The following CNTNAP3 variants were observed in gnomAD, a reference collection of about 807,000 sequenced individuals.
CNTNAP3 encodes contactin associated protein family member 3.
A neutral mutation model predicts 92.1 loss-of-function variants in CNTNAP3; 36 were observed. The ratio of observed to expected loss-of-function variants is 0.39; its 90% confidence interval spans 0.30 to 0.52. The LOEUF (loss-of-function observed/expected upper bound fraction) is 0.52. Ranked by LOEUF, CNTNAP3 falls within the 20% of genes least tolerant of loss-of-function variation. The pLI, the probability that CNTNAP3 is intolerant of heterozygous loss-of-function variation, is 0.76. For synonymous variants in CNTNAP3, 232 were observed against 422.3 expected, an observed-to-expected ratio of 0.55 and a Z score of 5.53; for missense variants, 534 against 1,069.6, an observed-to-expected ratio of 0.50 and a Z score of 6.98.
chr9:39,096,998 C>T (rs113410297), intron 18 of CNTNAP3, among the ~76,000 whole-genome samples: 3 of 90,114 alleles, frequency 3.3e-5, no homozygotes, highest in African/African-American at 3.9e-5. Flanking sequence ...TTTTCAATTA[C>T]GTATATATTG....
intron 15 of CNTNAP3, among the ~76,000 whole-genome samples, chr9:39,105,384 G>A (rs552723071): frequency 1.1e-3 from 172 of 152,270 alleles, no homozygotes; most frequent in African/African-American, 4.0e-3. Context: ...GTGAGATCAT[G>A]CCACTGCACT....
rs1825541672 is a variant in CNTNAP3, at chr9:39,067,778, CT to C, written c.*6111del. On this transcript the variant is annotated 3_prime_UTR_variant, in exon 24 of 24. Coordinates refer to ENST00000297668, the MANE Select transcript of CNTNAP3 (RefSeq NM_033655.5). ...AATTAGTTATTGGAAACGGTTTGAT[CT>C]TTTTTTCCAAATCTTTGAAGATTTG... Among the ~76,000 whole-genome samples the C allele has an allele frequency of 6.6e-6, 1 of 152,304 alleles. No individual in the cohort carries two copies. Among genetic ancestry groups the C allele is most frequent in the Admixed American group, 6.5e-5 (1 of 15,294 alleles).
At chr9:39,153,716 G>A (rs1451688981) in intron 9 of CNTNAP3, among the ~76,000 whole-genome samples, 1 of 51,736 alleles carries the variant, frequency 1.9e-5, no homozygotes, top group African/African-American at 8.8e-5. Flanking sequence ...CCGCCACCAT[G>A]CCCAGCTAAT....
At chr9:39,102,927 CA>C (rs1480482786) in intron 16 of CNTNAP3, among the ~76,000 whole-genome samples, 2 of 152,038 alleles carry the variant, frequency 1.3e-5, no homozygotes, top group Non-Finnish European at 2.9e-5. Flanking sequence ...TCAGAGTTCA[CA>C]ATTCAACCTT....
At chr9:39,149,525 T>C (rs1821788903) in intron 10 of CNTNAP3, among the ~76,000 whole-genome samples, 1 of 151,058 alleles carries the variant, frequency 6.6e-6, no homozygotes, top group Non-Finnish European at 1.5e-5. Context: ...AATTTTTTTT[T>C]TTTTGTATTT....
At chr9:39,145,805 T>C (rs1821684608) in intron 10 of CNTNAP3, among the ~76,000 whole-genome samples, 1 of 140,312 alleles carries the variant, frequency 7.1e-6, no homozygotes, top group Non-Finnish European at 1.6e-5. Context: ...TGTGAACTGA[T>C]CAGAAGAGGG....
chr9:39,084,194 GTTT>G (rs201621606), intron 21 of CNTNAP3, among the ~76,000 whole-genome samples: 1 of 116,878 alleles, frequency 8.6e-6, no homozygotes, highest in African/African-American at 3.2e-5. Flanking sequence ...TGCTCACCAA[GTTT>G]TTTTTTTTTT....
chr9:39,209,620 TCC>T, intron 3 of CNTNAP3, among the ~76,000 whole-genome samples: 1 of 71,108 alleles, frequency 1.4e-5, no homozygotes, highest in Admixed American at 1.6e-4. Flanking sequence ...CCTCCCTCCC[TCC>T]CCCACTCCCC....
At position 39,100,841 on chromosome 9, in the gene CNTNAP3, T is replaced by C. The variant is rs200504141; in HGVS notation, c.2756-691A>G. On this transcript the variant is annotated intron_variant, in intron 17 of 23. Transcript: ENST00000297668. Reference sequence around the variant, plus strand: ...ACCTGTGTAGTGACAAACACCATTATGAAGGCGACAATTCTCAATGTTAGG... The same window carrying C: ...ACCTGTGTAGTGACAAACACCATTACGAAGGCGACAATTCTCAATGTTAGG... Among the ~76,000 whole-genome samples, 402 of 148,482 alleles carry C rather than the reference T, an allele frequency of 2.7e-3. 1 individual carries two copies. Among genetic ancestry groups the C allele is most frequent in the Admixed American group, 5.6e-3 (83 of 14,950 alleles).
At position 39,069,336 on chromosome 9, in the gene CNTNAP3, A is replaced by G. The variant is rs1343226991; in HGVS notation, c.*4554T>C. On this transcript the variant is annotated 3_prime_UTR_variant, in exon 24 of 24. Transcript: ENST00000297668. ...GGCTTGCTTAAGGAGTTAAAATGTG[A>G]TATGAGTCATACAAAGTGCTCATGC... Among the ~76,000 whole-genome samples the G allele has an allele frequency of 4.3e-4, 66 of 152,204 alleles. No homozygotes were observed. The highest frequency in any genetic ancestry group is 3.4e-3 in the Middle Eastern group (1 of 294).
chr9:39,157,558 C>G (rs148929692), intron 9 of CNTNAP3, among the ~76,000 whole-genome samples: 2 of 98,626 alleles, frequency 2.0e-5, no homozygotes, highest in African/African-American at 3.5e-5. Flanking sequence ...ATGTTAGCCA[C>G]GATGGTCTCA....
intron 13 of CNTNAP3, among the ~76,000 whole-genome samples, chr9:39,124,441 AC>A (rs1437388691): frequency 1.1e-4 from 16 of 152,096 alleles, no homozygotes; most frequent in Admixed American, 2.0e-4. Flanking sequence ...ATCAATAATC[AC>A]TTTAAATGTA....
At position 39,066,564 on chromosome 9, in the gene CNTNAP3, CT is replaced by C. The variant is rs1451633642; in HGVS notation, c.*7325del. On this transcript the variant is annotated 3_prime_UTR_variant, in exon 24 of 24. Transcript: ENST00000297668. The stretch of plus-strand genomic sequence containing the variant: ...TTTGCTGATAATATATTACTTTTAA[CT>C]TTTCTATGTCTGAAAAATATCTTTG... Among the ~76,000 whole-genome samples, 2 of 152,254 alleles carry C rather than the reference CT, an allele frequency of 1.3e-5. No homozygotes were observed. The highest frequency in any genetic ancestry group is 2.9e-5 in the Non-Finnish European group (2 of 68,050).
intron 12 of CNTNAP3, among the ~76,000 whole-genome samples, chr9:39,138,360 C>T (rs1273511778): frequency 6.6e-6 from 1 of 152,140 alleles, no homozygotes; most frequent in African/African-American, 2.4e-5. Context: ...AAGAGCTTCT[C>T]AGCCCTCCCT....
At chr9:39,127,338 C>T (rs1044881336) in intron 13 of CNTNAP3, among the ~76,000 whole-genome samples, 1 of 151,748 alleles carries the variant, frequency 6.6e-6, no homozygotes, top group African/African-American at 2.4e-5. Context: ...AAGAAGAAAG[C>T]CCTAAAGCCA....
chr9:39,159,637 TAG>T (rs1822039002), intron 9 of CNTNAP3: 1 of 137,536 alleles, frequency 7.3e-6, no homozygotes, highest in Non-Finnish European at 1.5e-5. Flanking sequence ...TGGAGATAGA[TAG>T]ATAGATAGAT....
In CNTNAP3 at chr9:39,066,405, A is replaced by G. The variant is rs1825510134; in HGVS notation, c.*7485T>C. On this transcript the variant is annotated 3_prime_UTR_variant, in exon 24 of 24. Transcript: ENST00000297668. Reference sequence around the variant, plus strand: ...TTTAAGTAATAAGGGCAGGTATTGTATATTTACTTATGGTGTTACTATTGC... The same window carrying G: ...TTTAAGTAATAAGGGCAGGTATTGTGTATTTACTTATGGTGTTACTATTGC... Among the ~76,000 whole-genome samples the G allele has an allele frequency of 6.6e-6, 1 of 152,152 alleles. No homozygotes were observed. The highest frequency in any genetic ancestry group is 1.5e-5 in the Non-Finnish European group (1 of 68,030).
chr9:39,120,358 T>A (rs1218064113), intron 13 of CNTNAP3, among the ~76,000 whole-genome samples: 1 of 152,160 alleles, frequency 6.6e-6, no homozygotes, highest in East Asian at 1.9e-4. Context: ...AGAGAAACTA[T>A]CCTTCAAGAA....
intron 21 of CNTNAP3, among the ~76,000 whole-genome samples, chr9:39,082,144 G>C (rs1261862165): frequency 1.3e-5 from 2 of 150,848 alleles, no homozygotes; most frequent in East Asian, 3.9e-4. Flanking sequence ...GTAAAATTTA[G>C]TCCCTCAGTT....
Sources: gnomAD v4.1 joint callset for allele counts (sites outside exome capture counted in the v4.1 genomes callset) on GRCh38, gnomAD v4.1.1 for gene constraint, MANE v1.5 for transcripts, NCBI Gene and HGNC (gene_info 2026-07-23, HGNC 2026-07-21) for gene names.